The following CAST variants were observed in gnomAD, a reference collection of about 807,000 sequenced individuals.
CAST encodes calpastatin.
A neutral mutation model predicts 119.6 loss-of-function variants in CAST; 76 were observed. The ratio of observed to expected loss-of-function variants is 0.64; its 90% CI spans 0.53 to 0.77. The LOEUF is 0.77. CAST is among the 30% of genes least tolerant of loss of function. CAST has a pLI of 0.00. For synonymous variants in CAST, 319 were observed against 331.6 expected (o/e 0.96, Z 0.41); for missense variants, 953 against 946.5 (o/e 1.01, Z -0.09).
chr5:96,717,317 G>A (rs1037414365), intron 3 of CAST, among the ~76,000 whole-genome samples: 1 of 152,222 alleles, frequency 6.6e-6, no homozygotes, highest in Non-Finnish European at 1.5e-5. Context: ...GATGCAAATA[G>A]TGTATCTTGA....
the CAST span, among the ~76,000 whole-genome samples, chr5:96,026,536 C>T: frequency 6.6e-6 from 1 of 152,202 alleles, no homozygotes; most frequent in Non-Finnish European, 1.5e-5. Flanking sequence ...TTCTTTTCCA[C>T]ATCTTTTAAC....
chr5:96,323,008 G>A, the CAST span, among the ~76,000 whole-genome samples: 1 of 152,112 alleles, frequency 6.6e-6, no homozygotes, highest in Admixed American at 6.5e-5. Flanking sequence ...AGTATACGGT[G>A]GCATGAAGGC....
At chr5:96,566,542 G>C (rs935232161) in intron 1 of CAST, among the ~76,000 whole-genome samples, 4 of 152,180 alleles carry the variant, frequency 2.6e-5, no homozygotes, top group African/African-American at 4.8e-5. Context: ...AGATGGAGGG[G>C]ACCTGCTGAA....
At chr5:95,973,134 GCTTTC>G in the CAST span, 1 of 170,938 alleles carries the variant, frequency 5.9e-6, no homozygotes, top group Non-Finnish European at 1.3e-5. Flanking sequence ...TTGTTATTGT[GCTTTC>G]CTTTCCTTTC....
intron 1 of CAST, among the ~76,000 whole-genome samples, chr5:96,541,974 A>G (rs1414818236): frequency 6.6e-6 from 1 of 152,222 alleles, no homozygotes; most frequent in East Asian, 1.9e-4. Context: ...TCAATTGGCT[A>G]AATACCTAGC....
At chr5:96,088,700 T>C in the CAST span, among the ~76,000 whole-genome samples, 1 of 152,238 alleles carries the variant, frequency 6.6e-6, no homozygotes, top group Admixed American at 6.5e-5. Context: ...TGTTTCAGTA[T>C]ATCAGGAAGC....
intron 3 of CAST, among the ~76,000 whole-genome samples, chr5:96,715,943 A>G (rs1185938314): frequency 6.6e-6 from 1 of 152,228 alleles, no homozygotes; most frequent in African/African-American, 2.4e-5. Context: ...ATCTTTCATC[A>G]GAATCACACT....
intron 3 of CAST, among the ~76,000 whole-genome samples, chr5:96,696,931 G>C (rs1317704380): frequency 6.6e-6 from 1 of 151,896 alleles, no homozygotes; most frequent in African/African-American, 2.4e-5. Flanking sequence ...GGGAGTCCAC[G>C]GTGGGCAGAT....
chr5:96,468,963 C>T, the CAST span, among the ~76,000 whole-genome samples: 5 of 152,038 alleles, frequency 3.3e-5, no homozygotes, highest in African/African-American at 7.2e-5. Flanking sequence ...GCTTGACTTA[C>T]GCATAAACTT....
chr5:96,649,579 C>T (rs1748067024), intron 1 of CAST, among the ~76,000 whole-genome samples: 1 of 152,166 alleles, frequency 6.6e-6, no homozygotes, highest in Non-Finnish European at 1.5e-5. Flanking sequence ...CCTTGGTTTC[C>T]CCATTGATCA....
At chr5:96,053,087 T>G in the CAST span, among the ~76,000 whole-genome samples, 1 of 152,182 alleles carries the variant, frequency 6.6e-6, no homozygotes, top group Non-Finnish European at 1.5e-5. Context: ...ATTTTTTCCC[T>G]TAAGCCTAAC....
chr5:96,051,295 C>T, the CAST span, among the ~76,000 whole-genome samples: 1 of 151,924 alleles, frequency 6.6e-6, no homozygotes, highest in African/African-American at 2.4e-5. Context: ...TTTTAAACAA[C>T]AATATATGTG....
chr5:96,555,082 A>G (rs1013679360), intron 1 of CAST, among the ~76,000 whole-genome samples: 4 of 152,234 alleles, frequency 2.6e-5, no homozygotes, highest in African/African-American at 9.6e-5. Flanking sequence ...TAAATCATCT[A>G]TGATAAAGGC....
chr5:96,661,215 G>A (rs1230596649), upstream of CAST, among the ~76,000 whole-genome samples: 1 of 143,424 alleles, frequency 7.0e-6, no homozygotes, highest in African/African-American at 2.6e-5. Context: ...GGTGTTGTTC[G>A]AGACCAGTCT....
At chr5:96,109,435 G>T in the CAST span, among the ~76,000 whole-genome samples, 4 of 152,016 alleles carry the variant, frequency 2.6e-5, no homozygotes, top group Middle Eastern at 3.2e-3. Context: ...TTTTTTCTTT[G>T]TAATCTGGAA....
chr5:96,769,215 C>T (rs1360172613), intron 29 of CAST: 1 of 152,156 alleles, frequency 6.6e-6, no homozygotes, highest in East Asian at 1.9e-4. Context: ...TCAGCCCTTC[C>T]ATACTGGGTA....
At chr5:96,453,213 G>A in the CAST span, among the ~76,000 whole-genome samples, 4 of 152,136 alleles carry the variant, frequency 2.6e-5, no homozygotes, top group East Asian at 7.7e-4. Flanking sequence ...AATGCCAATT[G>A]GATACTTGTT....
chr5:96,394,739 A>T, the CAST span: 1 of 830,150 alleles, frequency 1.2e-6, no homozygotes, highest in Non-Finnish European at 2.1e-6. Flanking sequence ...GTTTACCACT[A>T]TCACTTCTTA....
chr5:96,486,652 AC>A, the CAST span, among the ~76,000 whole-genome samples: 1 of 152,114 alleles, frequency 6.6e-6, no homozygotes, highest in Non-Finnish European at 1.5e-5. Context: ...CTACCAAAGC[AC>A]TTCACTCTTG....
Sources: gnomAD v4.1 joint callset for allele counts (sites outside exome capture counted in the v4.1 genomes callset) on GRCh38, gnomAD v4.1.1 for gene constraint, MANE v1.5 for transcripts, NCBI Gene and HGNC (gene_info 2026-07-23, HGNC 2026-07-21) for gene names.